Variants in ARHGEF38 observed in about 807,000 individuals in gnomAD.
ARHGEF38 encodes Rho guanine nucleotide exchange factor (GEF) 38.
Under a neutral mutation model 79.9 loss-of-function variants are expected in ARHGEF38, and 79 were observed. The observed-to-expected ratio is 0.99, with a 90% CI of 0.82 to 1.19. ARHGEF38 has a LOEUF of 1.19. ARHGEF38 is among the 50% of genes most tolerant of loss of function. The probability of loss-of-function intolerance (pLI) is 0.00; values close to 1 mark genes in which losing one functional copy is unlikely to be tolerated. For missense variants in ARHGEF38, 962 were observed against 907.2 expected, an observed-to-expected ratio of 1.06 and a Z score of -0.78; for synonymous variants, 366 against 328.3, an observed-to-expected ratio of 1.11 and a Z score of -1.24.
chr4:105,616,468 G>A (rs533593594), intron 3 of ARHGEF38, among the ~76,000 whole-genome samples: 3 of 152,178 alleles, frequency 2.0e-5, no homozygotes, highest in Admixed American at 6.5e-5. Flanking sequence ...GAGAGAGCAC[G>A]CCAAGGGGGA....
At chr4:105,612,355 T>C (rs1478430691) in intron 2 of ARHGEF38, among the ~76,000 whole-genome samples, 1 of 152,132 alleles carries the variant, frequency 6.6e-6, no homozygotes. Flanking sequence ...CTCTTTCATT[T>C]CCCTAACTTT....
chr4:105,586,667 G>T (rs1163517948), intron 1 of ARHGEF38, among the ~76,000 whole-genome samples: 1 of 152,170 alleles, frequency 6.6e-6, no homozygotes, highest in Non-Finnish European at 1.5e-5. Flanking sequence ...TCCTTGCTAG[G>T]ATCCCAAATA....
At position 105,558,860 on chromosome 4, in the gene ARHGEF38, A is replaced by T. The variant is rs189579882; in HGVS notation, c.196+5899A>T. Among the ~76,000 whole-genome samples the T allele has an allele frequency of 2.8e-4, 42 of 151,814 alleles. No homozygotes were observed. The East Asian group carries it at 5.0e-3, about 18-fold the overall frequency. On this transcript the variant is annotated intron_variant, in intron 1 of 13. Coordinates refer to ENST00000420470, the MANE Select transcript of ARHGEF38 (RefSeq NM_001242729.2). ...AAAATTATGGGTTTATCAAAATGAG[A>T]CATCAAGAGGAAGAAGGAATGAAAG...
At chr4:105,646,040 T>A (rs1729826576) in intron 6 of ARHGEF38, among the ~76,000 whole-genome samples, 1 of 152,222 alleles carries the variant, frequency 6.6e-6, no homozygotes, top group Admixed American at 6.5e-5. Flanking sequence ...GGGTCCTCCC[T>A]CAGTGTGATT....
chr4:105,625,947 A>G (rs1439435898), intron 3 of ARHGEF38, among the ~76,000 whole-genome samples: 2 of 151,892 alleles, frequency 1.3e-5, no homozygotes, highest in Non-Finnish European at 2.9e-5. Context: ...TTTTTCTTCT[A>G]TACCATCCTC....
At chr4:105,681,755 G>T (rs553858253), downstream of ARHGEF38, among the ~76,000 whole-genome samples, 1 of 152,262 alleles carries the variant, frequency 6.6e-6, no homozygotes, top group African/African-American at 2.4e-5. Context: ...AAAAAAATTT[G>T]CAACCTCTGG....
At chr4:105,648,097 C>A (rs561796532) in intron 6 of ARHGEF38, among the ~76,000 whole-genome samples, 1 of 151,992 alleles carries the variant, frequency 6.6e-6, no homozygotes, top group African/African-American at 2.4e-5. Flanking sequence ...ACCATGTTGG[C>A]CAGGCTGATC....
Position 105,667,163 on chromosome 4 carries a change from C to A in ARHGEF38, c.1724C>A (p.Ser575Tyr). 1 of 1,535,196 alleles carries A rather than the reference C, an allele frequency of 6.5e-7. No individual in the cohort carries two copies. The highest frequency in any genetic ancestry group is 1.2e-5 in the South Asian group (1 of 83,746). The change falls in exon 12 of 14, where the codon TCC becomes TAC. Residue 575 changes from serine to tyrosine, a missense_variant. Transcript: ENST00000420470. ...EMPHQTDIHR[S>Y]KLLSTYSAEE... ...CCACATCAAACTGACATTCATCGCTCCAAACTTCTATCCACATATAGTGCA... is the reference window on the plus strand; with the variant it reads ...CCACATCAAACTGACATTCATCGCTACAAACTTCTATCCACATATAGTGCA...
chr4:105,610,604 TTTGTTTGTTC>T (rs1276962864), intron 2 of ARHGEF38, among the ~76,000 whole-genome samples: 3 of 152,174 alleles, frequency 2.0e-5, no homozygotes, highest in East Asian at 3.9e-4. Flanking sequence ...GTACCAGACA[TTTGTTTGTTC>T]CTTGGCATAG....
intron 5 of ARHGEF38, among the ~76,000 whole-genome samples, chr4:105,638,749 T>C (rs188904718): frequency 6.6e-6 from 1 of 152,160 alleles, no homozygotes; most frequent in East Asian, 1.9e-4. Context: ...ATCATCAATA[T>C]GTTGTGAATA....
rs532631081 is a variant in ARHGEF38, at chr4:105,673,013, A to G, written c.2149-4739A>G. Among the ~76,000 whole-genome samples the G allele has an allele frequency of 6.6e-5, 10 of 152,312 alleles. No individual in the cohort carries two copies. In the South Asian group the frequency reaches 2.1e-3, roughly 32 times the overall value. On this transcript the variant is annotated intron_variant, in intron 13 of 13. Coordinates refer to ENST00000420470, the MANE Select transcript of ARHGEF38 (RefSeq NM_001242729.2). ...AGAGGAGGCCTGAATGCACTTCAAA[A>G]GTCTCATATGAGTAGGTCAGGCCCA...
intron 1 of ARHGEF38, 46 bp from the exon 2 acceptor site, chr4:105,589,202 G>T (rs1307470569): frequency 1.3e-6 from 2 of 1,508,742 alleles, no homozygotes; most frequent in South Asian, 2.6e-5. Flanking sequence ...GAAGGAAAAA[G>T]AAACCTCAGC....
At chr4:105,645,714 A>G (rs1011443104) in intron 6 of ARHGEF38, among the ~76,000 whole-genome samples, 2 of 152,236 alleles carry the variant, frequency 1.3e-5, no homozygotes, top group African/African-American at 4.8e-5. Flanking sequence ...GTGTGGTAAG[A>G]AAGAGAAATG....
intron 10 of ARHGEF38, 135 bp downstream of exon 10, chr4:105,659,500 C>A: frequency 3.3e-6 from 3 of 910,432 alleles, no homozygotes; most frequent in Non-Finnish European, 4.8e-6. Context: ...TAACTAAATC[C>A]AGTCAGATAG....
chr4:105,659,947 T>G (rs776336901), intron 10 of ARHGEF38, among the ~76,000 whole-genome samples: 1 of 151,984 alleles, frequency 6.6e-6, no homozygotes, highest in Non-Finnish European at 1.5e-5. Flanking sequence ...GGAAGAAAGA[T>G]ATTTACAACT....
chr4:105,642,214 C>T (rs1466628065), intron 5 of ARHGEF38, among the ~76,000 whole-genome samples: 2 of 152,132 alleles, frequency 1.3e-5, no homozygotes, highest in Non-Finnish European at 2.9e-5. Context: ...CTCCCTCTAT[C>T]TTTTCTACGA....
intron 1 of ARHGEF38, chr4:105,563,435 C>T (rs1725734600): frequency 6.6e-6 from 1 of 152,222 alleles, no homozygotes. Context: ...AACTGAACAT[C>T]TGTAGTAGGC....
At chr4:105,590,226 T>A (rs578247343) in intron 2 of ARHGEF38, among the ~76,000 whole-genome samples, 1 of 152,110 alleles carries the variant, frequency 6.6e-6, no homozygotes, top group African/African-American at 2.4e-5. Context: ...TGAAGACTTT[T>A]CCAGTGGAGG....
intron 3 of ARHGEF38, among the ~76,000 whole-genome samples, chr4:105,614,443 T>A (rs892145222): frequency 6.6e-6 from 1 of 152,182 alleles, no homozygotes; most frequent in African/African-American, 2.4e-5. Context: ...AAACACTTTA[T>A]GTCTTTACTG....
Sources: gnomAD v4.1 joint callset for allele counts (sites outside exome capture counted in the v4.1 genomes callset) on GRCh38, gnomAD v4.1.1 for gene constraint, MANE v1.5 for transcripts, NCBI Gene and HGNC (gene_info 2026-07-23, HGNC 2026-07-21) for gene names.